PTPN5: variants seen among roughly 807,000 people sequenced by gnomAD.
PTPN5 encodes protein tyrosine phosphatase non-receptor type 5.
In PTPN5, 29 loss-of-function variants were observed where a neutral mutation model predicts 73.9. The ratio of observed to expected loss-of-function variants is 0.39; its 90% CI spans 0.29 to 0.54. The LOEUF (loss-of-function observed/expected upper bound fraction) is 0.54, where lower values mean the gene tolerates loss of function less well. Ranked by LOEUF, PTPN5 falls within the 20% of genes least tolerant of loss-of-function variation. The pLI is 0.65. For missense variants in PTPN5, 652 were observed against 751.4 expected, an observed-to-expected ratio of 0.87 and a Z score of 1.55; for synonymous variants, 267 against 304.7, an observed-to-expected ratio of 0.88 and a Z score of 1.29.
At chr11:18,737,858 C>G (rs944456965) in intron 9 of PTPN5, 22 bp downstream of exon 9, 2 of 1,606,050 alleles carry the variant, frequency 1.2e-6, no homozygotes, top group Non-Finnish European at 1.7e-6. Flanking sequence ...GCCCCCATCC[C>G]TCTGGGACAG....
intron 1 of PTPN5, among the ~76,000 whole-genome samples, chr11:18,787,508 C>T (rs1043864052): frequency 4.6e-5 from 7 of 152,182 alleles, no homozygotes; most frequent in Non-Finnish European, 1.0e-4. Context: ...ACTCTCTCAC[C>T]TTTTTCCTTA....
chr11:18,769,568 A>G (rs1850785190), intron 2 of PTPN5, among the ~76,000 whole-genome samples: 1 of 151,938 alleles, frequency 6.6e-6, no homozygotes, highest in Non-Finnish European at 1.5e-5. Flanking sequence ...ATGCCCAGCT[A>G]ATTTTTGTAT....
chr11:18,741,335 G>T (rs1165825402), intron 7 of PTPN5, among the ~76,000 whole-genome samples: 1 of 152,156 alleles, frequency 6.6e-6, no homozygotes, highest in Non-Finnish European at 1.5e-5. Context: ...CAGCACGGTG[G>T]CCGCAAGGAT....
rs754717671 is a variant in PTPN5, at chr11:18,740,603, A to T, written c.915T>A (p.Phe305Leu). The change falls in exon 8 of 15, where the codon TTT (phenylalanine) becomes TTA (leucine). Residue 305 changes from phenylalanine to leucine, a missense_variant and splice_region_variant. Phe to Leu is a conservative substitution (Grantham distance 22). Transcript: ENST00000358540. ...GGGCGACCGGCTCAAGGGAACTCAC[A>T]AAGAATTCCGCCTGCAGCAGGAAAG... ...LDPFLLQAEFFEIPMNFVDPK... is the reference protein window; with the variant it reads ...LDPFLLQAEFLEIPMNFVDPK... 2.6e-6 allele frequency: 4 copies of T among 1,558,520 alleles called. No homozygotes were observed. The highest frequency in any genetic ancestry group is 3.5e-6 in the Non-Finnish European group (4 of 1,151,458).
Position 18,743,049 on chromosome 11 carries a change from TC to T in PTPN5, c.425del (p.Gly142GlufsTer25). On this transcript the variant is annotated frameshift_variant, in exon 6 of 15. Transcript: ENST00000358540. LOFTEE classifies it high-confidence loss of function. ...PTAWLDSGTWGVPSLLLVFLS... is the reference protein window; with the variant it reads ...PTAWLDSGTWXVPSLLLVFLS... ...GAAAGACCAGCAGCAGACTGGGGACTCCCCACGTCCCAGAGTCAAGCCAGGC... is the reference window on the plus strand; with the variant it reads ...GAAAGACCAGCAGCAGACTGGGGACTCCCACGTCCCAGAGTCAAGCCAGGC... 2.6e-6 allele frequency: 4 copies of T among 1,551,522 alleles called. No homozygotes were observed. Among genetic ancestry groups the T allele is most frequent in the Non-Finnish European group, 3.5e-6 (4 of 1,146,838 alleles).
intron 3 of PTPN5, among the ~76,000 whole-genome samples, chr11:18,753,484 A>T (rs1194716410): frequency 1.3e-5 from 2 of 152,154 alleles, no homozygotes; most frequent in African/African-American, 2.4e-5. Context: ...TAGGATAAAA[A>T]CCAAAATCTT....
intron 3 of PTPN5, among the ~76,000 whole-genome samples, chr11:18,756,613 C>T (rs1410087255): frequency 6.6e-6 from 1 of 151,776 alleles, no homozygotes; most frequent in Non-Finnish European, 1.5e-5. Flanking sequence ...CAGGTTTTAA[C>T]CACTTGGAAT....
intron 3 of PTPN5, among the ~76,000 whole-genome samples, chr11:18,744,847 G>T (rs1482942103): frequency 2.0e-5 from 3 of 152,186 alleles, no homozygotes; most frequent in Non-Finnish European, 2.9e-5. Flanking sequence ...TCCCTCTCTG[G>T]ATCTTAAGTT....
upstream of PTPN5, chr11:18,792,054 C>T (rs565850646): frequency 6.6e-6 from 1 of 152,306 alleles, no homozygotes; most frequent in African/African-American, 2.4e-5. Context: ...GTTGCTTGGA[C>T]AAGGAGGGCG....
At chr11:18,754,741 T>G (rs953714007) in intron 3 of PTPN5, among the ~76,000 whole-genome samples, 2 of 152,248 alleles carry the variant, frequency 1.3e-5, no homozygotes, top group African/African-American at 4.8e-5. Context: ...TCATCCATAC[T>G]CTTGCCTCAC....
chr11:18,736,571 C>T (rs570744752), intron 9 of PTPN5, among the ~76,000 whole-genome samples: 1 of 152,334 alleles, frequency 6.6e-6, no homozygotes, highest in Non-Finnish European at 1.5e-5. Context: ...AACCTCAGCG[C>T]GTCCTGGATC....
chr11:18,792,470 C>T (rs145178689), upstream of PTPN5: 2 of 152,574 alleles, frequency 1.3e-5, no homozygotes, highest in Non-Finnish European at 2.9e-5. Context: ...TCTTGCCCTC[C>T]TGACGTGCGG....
At position 18,770,450 on chromosome 11, in the gene PTPN5, C is replaced by T. The variant is rs1850832650; in HGVS notation, c.20+1489G>A. Reference sequence around the variant, plus strand: ...CTTCTTGCACTTAGCAAGTCCGTAGCATACATCAGTACTTCATTCCTTTTC... The same window carrying T: ...CTTCTTGCACTTAGCAAGTCCGTAGTATACATCAGTACTTCATTCCTTTTC... On this transcript the variant is annotated intron_variant, in intron 2 of 14. Coordinates refer to ENST00000358540, the MANE Select transcript of PTPN5 (RefSeq NM_006906.2). 2.0e-5 allele frequency among the ~76,000 whole-genome samples: 3 copies of T among 152,244 alleles called. No individual in the cohort carries two copies. The South Asian group carries it at 6.2e-4, about 32-fold the overall frequency.
At chr11:18,763,577 T>A (rs1384138272) in intron 3 of PTPN5, among the ~76,000 whole-genome samples, 1 of 152,256 alleles carries the variant, frequency 6.6e-6, no homozygotes, top group Non-Finnish European at 1.5e-5. Flanking sequence ...TAACCTATTA[T>A]GCTTATTACT....
At chr11:18,744,827 G>A (rs980053496) in intron 3 of PTPN5, among the ~76,000 whole-genome samples, 5 of 152,202 alleles carry the variant, frequency 3.3e-5, no homozygotes, top group Non-Finnish European at 5.9e-5. Context: ...TAGTGACTCC[G>A]GAGAGTCACT....
intron 3 of PTPN5, among the ~76,000 whole-genome samples, chr11:18,750,716 A>G (rs867015412): frequency 1.9e-4 from 29 of 152,290 alleles, no homozygotes; most frequent in African/African-American, 5.8e-4. Flanking sequence ...GGAGCCAGGT[A>G]CATTGTCAGT....
chr11:18,783,021 A>C (rs1211371481), intron 1 of PTPN5, among the ~76,000 whole-genome samples: 1 of 152,216 alleles, frequency 6.6e-6, no homozygotes, highest in East Asian at 1.9e-4. Context: ...ATCTTGGGAC[A>C]GTGATGTGGC....
At chr11:18,770,237 C>T (rs1850819692) in intron 2 of PTPN5, among the ~76,000 whole-genome samples, 1 of 152,204 alleles carries the variant, frequency 6.6e-6, no homozygotes, top group Admixed American at 6.5e-5. Context: ...TCATAATGAT[C>T]TGCTTCCAGA....
Position 18,732,679 on chromosome 11 carries a change from C to G in PTPN5, c.1242G>C (p.Glu414Asp). 1 of 1,613,890 alleles carries G rather than the reference C, an allele frequency of 6.2e-7. No individual in the cohort carries two copies. The highest frequency in any genetic ancestry group is 8.5e-7 in the Non-Finnish European group (1 of 1,180,016). ...MNEKCTEYWP[E>D]EQVAYDGVEI... is the part of the protein sequence containing the mutation. ...CAACACCGTCGTACGCCACCTGCTC[C>G]TCCGGCCAATACTCGGTGCATTTCT... Residue 414 changes from glutamate (E) to aspartate (D), a missense_variant, in exon 12 of 15, where the codon GAG becomes GAC. Glu to Asp is a conservative substitution (Grantham distance 45, BLOSUM62 2). Around this residue, in one of 3 missense-constraint regions of PTPN5, gnomAD observed 529 missense variants for 573.9 expected, o/e 0.92. Transcript: ENST00000358540.
Sources: gnomAD v4.1 joint callset for allele counts (sites outside exome capture counted in the v4.1 genomes callset) on GRCh38, gnomAD v4.1.1 for gene constraint, gnomAD v4.1.1 regional missense constraint, MANE v1.5 for transcripts, NCBI Gene and HGNC (gene_info 2026-07-23, HGNC 2026-07-21) for gene names.